Variants in TANGO6 observed in about 807,000 individuals in gnomAD.
The protein encoded by TANGO6 is transport and golgi organization 6 homolog, also known as transport and Golgi organization protein 6 homolog.
Under a neutral mutation model 114.2 loss-of-function variants are expected in TANGO6, and 90 were observed. That is an observed-to-expected ratio of 0.79 (90% confidence interval 0.66 to 0.94). The LOEUF (loss-of-function observed/expected upper bound fraction) is 0.94. Ranked by LOEUF, TANGO6 falls within the 40% of genes least tolerant of loss-of-function variation. The probability of loss-of-function intolerance (pLI) is 0.00; values close to 1 mark genes in which losing one functional copy is unlikely to be tolerated. For synonymous variants in TANGO6, 477 were observed against 509.8 expected, an observed-to-expected ratio of 0.94 and a Z score of 0.87; for missense variants, 1,274 against 1,315.3, an observed-to-expected ratio of 0.97 and a Z score of 0.49.
chr16:69,023,221 C>T (rs1199828777), intron 16 of TANGO6, among the ~76,000 whole-genome samples: 1 of 152,002 alleles, frequency 6.6e-6, no homozygotes, highest in Admixed American at 6.6e-5. Context: ...TTTGGGAGGG[C>T]GAGGCGGGTA....
intron 15 of TANGO6, among the ~76,000 whole-genome samples, chr16:69,020,377 C>G (rs1047811871): frequency 1.3e-5 from 2 of 152,140 alleles, no homozygotes; most frequent in African/African-American, 4.8e-5. Context: ...GTTCTACCCT[C>G]AAGGAATTTA....
rs151090528 is a variant in TANGO6, at chr16:68,955,443, G to A, written c.2702-18585G>A. Among the ~76,000 whole-genome samples the A allele has an allele frequency of 1.7e-4, 26 of 152,320 alleles. No individual in the cohort carries two copies. The East Asian group carries it at 4.6e-3, about 27-fold the overall frequency. On this transcript the variant is annotated intron_variant, in intron 14 of 17. Transcript: ENST00000261778. Reference sequence around the variant, plus strand: ...TACAAGGAAAATGACAGCTCATAGAGCAACGCTGCTCTGCTCCTCACTGTG... The same window carrying A: ...TACAAGGAAAATGACAGCTCATAGAACAACGCTGCTCTGCTCCTCACTGTG...
intron 10 of TANGO6, 87 bp downstream of exon 10, chr16:68,907,662 G>C (rs1962871636): frequency 1.4e-6 from 2 of 1,429,742 alleles, no homozygotes; most frequent in Non-Finnish European, 1.8e-6. Context: ...TATAATTTTA[G>C]GTCCTAAAAT....
chr16:69,020,896 A>ATG (rs1370840988), intron 15 of TANGO6, among the ~76,000 whole-genome samples: 2 of 78,090 alleles, frequency 2.6e-5, no homozygotes, highest in African/African-American at 1.0e-4. Flanking sequence ...CCCTTTATAT[A>ATG]TGTATGTATG....
chr16:68,927,890 C>T lies in TANGO6; in HGVS notation c.2450C>T (p.Pro817Leu). Residue 817 changes from proline to leucine, a missense_variant, in exon 13 of 18, where the codon CCT (proline) becomes CTT (leucine). This residue lies in a region of TANGO6 where 908 missense variants were observed against 910.2 expected (regional missense o/e 1.00). Transcript: ENST00000261778. The part of the protein sequence containing the change: ...TGLQSNAPII[P>L]QGVNEPSTTT... ...CTGCAGTCAAATGCTCCAATCATTC[C>T]TCAAGGAGTCAATGAGCCCAGCACT... The T allele has an allele frequency of 6.2e-7, 1 of 1,613,930 alleles. No homozygotes were observed. Among genetic ancestry groups the T allele is most frequent in the Non-Finnish European group, 8.5e-7 (1 of 1,179,850 alleles).
chr16:68,981,140 T>C (rs143698667), intron 15 of TANGO6, among the ~76,000 whole-genome samples: 43 of 152,230 alleles, frequency 2.8e-4, no homozygotes, highest in African/African-American at 9.6e-4. Flanking sequence ...TTTCCTCTTA[T>C]GTGGTCCAAT....
chr16:68,864,555 T>A (rs1962148545), intron 3 of TANGO6, among the ~76,000 whole-genome samples: 2 of 151,958 alleles, frequency 1.3e-5, no homozygotes, highest in Non-Finnish European at 2.9e-5. Context: ...CACTTCAGCC[T>A]GGGCAACAGA....
intron 14 of TANGO6, among the ~76,000 whole-genome samples, chr16:68,957,969 C>T (rs540355823): frequency 6.6e-6 from 1 of 151,978 alleles, no homozygotes; most frequent in South Asian, 2.1e-4. Context: ...GTCAGGAGTT[C>T]GAGACAAGCC....
chr16:68,893,265 T>C (rs1425497652), intron 7 of TANGO6, among the ~76,000 whole-genome samples: 1 of 152,210 alleles, frequency 6.6e-6, no homozygotes, highest in Non-Finnish European at 1.5e-5. Context: ...GCACCATTCA[T>C]CCAACCTTGT....
At chr16:68,862,908 TTG>T in intron 2 of TANGO6, 35 bp from the exon 3 acceptor site, 1 of 1,406,788 alleles carries the variant, frequency 7.1e-7, no homozygotes, top group South Asian at 1.2e-5. Flanking sequence ...TCTGCCTGGT[TTG>T]AATTCCACTA....
chr16:69,061,133 T>A (rs1158273572), intron 17 of TANGO6, among the ~76,000 whole-genome samples: 1 of 152,172 alleles, frequency 6.6e-6, no homozygotes, highest in Non-Finnish European at 1.5e-5. Context: ...CCTCCTTACT[T>A]GGAAACACCT....
At chr16:68,873,603 C>T (rs893061050) in intron 4 of TANGO6, among the ~76,000 whole-genome samples, 4 of 152,182 alleles carry the variant, frequency 2.6e-5, no homozygotes, top group Admixed American at 6.5e-5. Flanking sequence ...TGTCAGCCAC[C>T]GTGCCCAGCC....
At chr16:68,865,753 C>CAAAAAAAAA (rs367608096) in intron 3 of TANGO6, among the ~76,000 whole-genome samples, 4 of 115,064 alleles carry the variant, frequency 3.5e-5, no homozygotes, top group Non-Finnish European at 7.7e-5. Flanking sequence ...ACTAAAAATA[C>CAAAAAAAAA]AAAAAAAAAA....
At chr16:68,968,464 AAGTGATTCT>A (rs1003679228) in intron 14 of TANGO6, among the ~76,000 whole-genome samples, 9 of 151,632 alleles carry the variant, frequency 5.9e-5, no homozygotes, top group African/African-American at 2.2e-4. Flanking sequence ...TCCCGGGTTC[AAGTGATTCT>A]CCTGTCTCAG....
At chr16:68,957,461 G>A (rs555168657) in intron 14 of TANGO6, among the ~76,000 whole-genome samples, 225 of 149,664 alleles carry the variant, frequency 1.5e-3, no homozygotes, top group African/African-American at 5.3e-3. Context: ...GCAGTGGTGC[G>A]ATTTTGGCTC....
At chr16:68,941,601 C>T (rs1963353994) in intron 14 of TANGO6, among the ~76,000 whole-genome samples, 4 of 151,950 alleles carry the variant, frequency 2.6e-5, no homozygotes, top group Admixed American at 2.6e-4. Flanking sequence ...CAAAAATTAG[C>T]CAGGCACAGT....
At chr16:69,013,777 C>T (rs575480883) in intron 15 of TANGO6, among the ~76,000 whole-genome samples, 2 of 151,984 alleles carry the variant, frequency 1.3e-5, no homozygotes, top group Non-Finnish European at 2.9e-5. Context: ...GTGCCTCAGC[C>T]TCCCGAGTAG....
At chr16:69,014,280 G>A (rs1211738795) in intron 15 of TANGO6, among the ~76,000 whole-genome samples, 1 of 152,140 alleles carries the variant, frequency 6.6e-6, no homozygotes, top group Non-Finnish European at 1.5e-5. Context: ...CAAGTTGGTT[G>A]CAGCAACTCT....
chr16:68,953,220 A>G (rs1963492094), intron 14 of TANGO6, among the ~76,000 whole-genome samples: 1 of 151,942 alleles, frequency 6.6e-6, no homozygotes, highest in Non-Finnish European at 1.5e-5. Context: ...AGTAACTGGG[A>G]TTACAGGCAC....
Sources: gnomAD v4.1 joint callset for allele counts (sites outside exome capture counted in the v4.1 genomes callset) on GRCh38, gnomAD v4.1.1 for gene constraint, gnomAD v4.1.1 regional missense constraint, MANE v1.5 for transcripts, NCBI Gene and HGNC (gene_info 2026-07-23, HGNC 2026-07-21) for gene names.